Variants in PLGRKT observed in about 807,000 individuals in gnomAD.
PLGRKT encodes plasminogen receptor with a C-terminal lysine, also known as plasminogen receptor (KT).
Under a neutral mutation model 18.5 loss-of-function variants are expected in PLGRKT, and 22 were observed. That is an observed-to-expected ratio of 1.19 (90% CI 0.85 to 1.70). PLGRKT has a LOEUF of 1.70. Ranked by LOEUF, PLGRKT falls within the 40% of genes most tolerant of loss-of-function variation. PLGRKT has a pLI of 0.00. For synonymous variants in PLGRKT, 72 were observed against 52.8 expected (o/e 1.36, Z -1.58); for missense variants, 235 against 174.4 (o/e 1.35, Z -1.96).
At chr9:5,390,188 C>T (rs916852060) in intron 3 of PLGRKT, among the ~76,000 whole-genome samples, 5 of 150,816 alleles carry the variant, frequency 3.3e-5, no homozygotes, top group African/African-American at 1.2e-4. Context: ...TAATTCAGTT[C>T]TTCTGTGTGA....
intron 3 of PLGRKT, among the ~76,000 whole-genome samples, chr9:5,403,224 C>CTTTT (rs34557029): frequency 1.5e-5 from 2 of 135,170 alleles, no homozygotes; most frequent in South Asian, 2.3e-4. Context: ...ATTCTTTTTT[C>CTTTT]TTTTTTTTTT....
chr9:5,396,388 T>G (rs572961972), intron 3 of PLGRKT, among the ~76,000 whole-genome samples: 16 of 151,526 alleles, frequency 1.1e-4, no homozygotes, highest in Admixed American at 2.6e-4. Context: ...CAGGTTCAAG[T>G]GATTCTCCTG....
intron 3 of PLGRKT, among the ~76,000 whole-genome samples, chr9:5,400,923 A>G (rs1360733613): frequency 6.6e-6 from 1 of 151,970 alleles, no homozygotes; most frequent in Non-Finnish European, 1.5e-5. Flanking sequence ...ATTCATGCCT[A>G]AGTGTAAGGG....
chr9:5,375,236 G>A (rs1258819478), intron 3 of PLGRKT, among the ~76,000 whole-genome samples: 1 of 152,156 alleles, frequency 6.6e-6, no homozygotes, highest in Non-Finnish European at 1.5e-5. Flanking sequence ...GAAACTGAAA[G>A]CCTAATTTGA....
chr9:5,395,468 TA>T (rs1484744762), intron 3 of PLGRKT, among the ~76,000 whole-genome samples: 1 of 151,968 alleles, frequency 6.6e-6, no homozygotes, highest in Non-Finnish European at 1.5e-5. Context: ...ACCATTGATG[TA>T]AATAACTTTG....
rs1240322981 is a variant in PLGRKT at position 5,361,793 on chromosome 9, AG to A, written c.176del (p.Thr59IlefsTer10). ...WSREFLKYFGTFFGLAAISLT... is the reference protein window; with the variant it reads ...WSREFLKYFGXFFGLAAISLT... ...AAGAGATGGCTGCAAGGCCAAAAAAAGTTCCAAAATATTTGAGGAATTCCCG... is the reference window on the plus strand; with the variant it reads ...AAGAGATGGCTGCAAGGCCAAAAAAATTCCAAAATATTTGAGGAATTCCCG... On this transcript the variant is annotated frameshift_variant, in exon 4 of 6. Transcript: ENST00000223864. LOFTEE classifies it high-confidence loss of function. The A allele has an allele frequency of 6.2e-7, 1 of 1,613,216 alleles. No homozygotes were observed. The highest frequency in any genetic ancestry group is 1.3e-5 in the African/African-American group (1 of 75,022).
chr9:5,373,742 G>C (rs1817573795), intron 3 of PLGRKT, among the ~76,000 whole-genome samples: 1 of 151,916 alleles, frequency 6.6e-6, no homozygotes, highest in African/African-American at 2.4e-5. Flanking sequence ...AGGCTGCAGT[G>C]ACAGAGTCTG....
chr9:5,381,879 T>TCCTCG (rs1817753649), intron 3 of PLGRKT: 1 of 984,760 alleles, frequency 1.0e-6, no homozygotes, highest in South Asian at 4.7e-5. Flanking sequence ...CACAGATCCT[T>TCCTCG]AAGTTGTACC....
chr9:5,385,015 CA>C (rs1248809776), intron 3 of PLGRKT, among the ~76,000 whole-genome samples: 3 of 151,836 alleles, frequency 2.0e-5, no homozygotes, highest in African/African-American at 7.3e-5. Context: ...ATGAAGTCAC[CA>C]AGGTGAGATG....
chr9:5,404,971 C>T (rs554930473), intron 3 of PLGRKT, among the ~76,000 whole-genome samples: 2 of 152,142 alleles, frequency 1.3e-5, no homozygotes, highest in African/African-American at 4.8e-5. Flanking sequence ...ACAAGCATTC[C>T]TATATACCAA....
At chr9:5,374,028 T>C (rs567832413) in intron 3 of PLGRKT, among the ~76,000 whole-genome samples, 15 of 152,318 alleles carry the variant, frequency 9.8e-5, no homozygotes, top group African/African-American at 3.4e-4. Flanking sequence ...GTCTTCTCAG[T>C]TCCTGATAAT....
chr9:5,390,218 T>C (rs10975093), intron 3 of PLGRKT, among the ~76,000 whole-genome samples: 54 of 76,422 alleles, frequency 7.1e-4, no homozygotes, highest in Non-Finnish European at 1.3e-3. Context: ...TGTGTGTGCG[T>C]GTGTGTGTGT....
chr9:5,436,869 G>A (rs1372133756), intron 1 of PLGRKT, among the ~76,000 whole-genome samples, 175 bp from the exon 2 acceptor site: 1 of 152,088 alleles, frequency 6.6e-6, no homozygotes, highest in East Asian at 1.9e-4. Context: ...CACAAAATAT[G>A]TATCAGAAAA....
chr9:5,419,714 A>G (rs1818537724), intron 3 of PLGRKT, among the ~76,000 whole-genome samples: 1 of 152,192 alleles, frequency 6.6e-6, no homozygotes. Context: ...AAAAAAAGAG[A>G]GAGAGAAAAT....
chr9:5,413,659 C>G (rs971555167), intron 3 of PLGRKT, among the ~76,000 whole-genome samples: 1 of 152,156 alleles, frequency 6.6e-6, no homozygotes, highest in South Asian at 2.1e-4. Flanking sequence ...GAAATGCAGC[C>G]CCCCTCACAT....
chr9:5,421,694 T>C (rs2131161000), intron 3 of PLGRKT, among the ~76,000 whole-genome samples: 1 of 152,348 alleles, frequency 6.6e-6, no homozygotes, highest in East Asian at 1.9e-4. Context: ...GACATCTCAC[T>C]TAATCCTCAG....
intron 3 of PLGRKT, among the ~76,000 whole-genome samples, chr9:5,378,137 C>T (rs898808876): frequency 6.6e-6 from 1 of 152,172 alleles, no homozygotes; most frequent in African/African-American, 2.4e-5. Flanking sequence ...CTTCATCATA[C>T]ATTTGAACAG....
intron 3 of PLGRKT, among the ~76,000 whole-genome samples, chr9:5,409,475 C>T (rs369280779): frequency 6.6e-6 from 1 of 152,194 alleles, no homozygotes; most frequent in African/African-American, 2.4e-5. Flanking sequence ...TGCTCCTTAG[C>T]CTGCAGATGG....
chr9:5,364,258 G>A (rs1173073820), intron 3 of PLGRKT, among the ~76,000 whole-genome samples: 1 of 152,058 alleles, frequency 6.6e-6, no homozygotes, highest in Admixed American at 6.6e-5. Flanking sequence ...TGTGCAGCCG[G>A]GACTGAGAAC....
Sources: allele counts gnomAD v4.1 joint callset (sites outside exome capture counted in the v4.1 genomes callset), GRCh38; gene constraint gnomAD v4.1.1; transcripts MANE v1.5; gene names NCBI Gene and HGNC (gene_info 2026-07-23, HGNC 2026-07-21).